Variants in DYNC1I1 observed in about 807,000 individuals in gnomAD.
The protein encoded by DYNC1I1 is cytoplasmic dynein 1 intermediate chain 1.
DYNC1I1 carries 43 observed loss-of-function variants against 86.6 expected under a neutral mutation model. The ratio of observed to expected loss-of-function variants is 0.50; its 90% confidence interval spans 0.39 to 0.64. The LOEUF (loss-of-function observed/expected upper bound fraction) is 0.64, where lower values mean the gene tolerates loss of function less well. DYNC1I1 is among the 30% of genes least tolerant of loss of function. DYNC1I1 has a pLI of 0.00. For missense variants in DYNC1I1, 604 were observed against 788.8 expected (o/e 0.77, Z 2.81); for synonymous variants, 262 against 283.7 (o/e 0.92, Z 0.77).
intron 5 of DYNC1I1, among the ~76,000 whole-genome samples, chr7:95,851,053 C>T (rs1789564406): frequency 6.6e-6 from 1 of 152,066 alleles, no homozygotes; most frequent in Admixed American, 6.5e-5. Context: ...CCTCCTGCCT[C>T]AGCCTGCCGT....
At chr7:96,049,341 A>C (rs940698340) in intron 14 of DYNC1I1, among the ~76,000 whole-genome samples, 3 of 152,104 alleles carry the variant, frequency 2.0e-5, no homozygotes, top group Admixed American at 6.5e-5. Flanking sequence ...TAAAAGAGGC[A>C]AAGTAAAAAA....
intron 1 of DYNC1I1, among the ~76,000 whole-genome samples, chr7:95,796,285 C>T (rs1288866840): frequency 1.3e-5 from 2 of 151,924 alleles, no homozygotes; most frequent in African/African-American, 4.8e-5. Flanking sequence ...ACACATTGTT[C>T]TATGGGGTCT....
intron 6 of DYNC1I1, among the ~76,000 whole-genome samples, chr7:95,972,062 A>T (rs1308413644): frequency 6.6e-6 from 1 of 152,172 alleles, no homozygotes; most frequent in Non-Finnish European, 1.5e-5. Flanking sequence ...GCAAGAACCC[A>T]GTGGACTCGT....
chr7:95,951,368 AT>A (rs1792547902), intron 6 of DYNC1I1, among the ~76,000 whole-genome samples: 1 of 152,154 alleles, frequency 6.6e-6, no homozygotes, highest in African/African-American at 2.4e-5. Flanking sequence ...AGAGGCAGTC[AT>A]GCTTATGTTC....
At chr7:96,045,174 C>A (rs1355415081) in intron 14 of DYNC1I1, among the ~76,000 whole-genome samples, 1 of 152,026 alleles carries the variant, frequency 6.6e-6, no homozygotes. Context: ...GATCAAAGAA[C>A]AAGGATGAAG....
intron 16 of DYNC1I1, among the ~76,000 whole-genome samples, chr7:96,104,724 A>G (rs138598882): frequency 1.8e-3 from 274 of 152,258 alleles, no homozygotes; most frequent in African/African-American, 6.2e-3. Context: ...CTGTTTCACT[A>G]TTTAATTTAT....
intron 16 of DYNC1I1, among the ~76,000 whole-genome samples, chr7:96,096,873 A>T (rs1461571783): frequency 1.3e-5 from 2 of 152,174 alleles, no homozygotes; most frequent in Non-Finnish European, 2.9e-5. Context: ...GATTATTATG[A>T]CGAATGAGTT....
chr7:95,937,105 T>C (rs1422374531), intron 6 of DYNC1I1, among the ~76,000 whole-genome samples: 1 of 151,976 alleles, frequency 6.6e-6, no homozygotes, highest in Non-Finnish European at 1.5e-5. Context: ...ATCTCACTTA[T>C]ATGTGGAATA....
intron 1 of DYNC1I1, among the ~76,000 whole-genome samples, chr7:95,775,883 A>G (rs1584208450): frequency 6.6e-6 from 1 of 152,152 alleles, no homozygotes; most frequent in East Asian, 1.9e-4. Flanking sequence ...TTGAGAGTTA[A>G]CTCAAATTAA....
Position 95,861,870 on chromosome 7 carries a change from G to A in DYNC1I1, c.375-8013G>A, listed in dbSNP as rs532115230. 1.2e-4 allele frequency among the ~76,000 whole-genome samples: 18 copies of A among 152,274 alleles called. No homozygotes were observed. In the South Asian group the frequency reaches 2.7e-3, roughly 23 times the overall value. On this transcript the variant is annotated intron_variant, in intron 5 of 16. Coordinates refer to ENST00000447467, the MANE Select transcript of DYNC1I1 (RefSeq NM_001135556.2). ...ATCCATCCTTCATCTGTGAGATTTA[G>A]CACCTGCTTGGAGCAAGTGGCATCA...
chr7:96,064,236 CT>C (rs1397593987), intron 14 of DYNC1I1, among the ~76,000 whole-genome samples: 9 of 151,722 alleles, frequency 5.9e-5, no homozygotes, highest in Non-Finnish European at 1.0e-4. Context: ...CTCTCTCTCT[CT>C]CTCTCTCTCT....
chr7:95,781,553 C>T (rs1361433915), intron 1 of DYNC1I1, among the ~76,000 whole-genome samples: 1 of 152,120 alleles, frequency 6.6e-6, no homozygotes, highest in African/African-American at 2.4e-5. Context: ...CCTGACTGAG[C>T]CATTTTTCTC....
chr7:96,093,552 G>T (rs953438821), intron 16 of DYNC1I1, among the ~76,000 whole-genome samples: 1 of 152,064 alleles, frequency 6.6e-6, no homozygotes, highest in African/African-American at 2.4e-5. Flanking sequence ...AAGTACTTTT[G>T]GCATGAAAAT....
At chr7:96,101,072 C>A (rs1427002507), downstream of DYNC1I1, among the ~76,000 whole-genome samples, 2 of 151,994 alleles carry the variant, frequency 1.3e-5, no homozygotes, top group East Asian at 3.9e-4. Flanking sequence ...GATGATGAGA[C>A]CCCAGAGTAA....
At chr7:95,792,831 G>T in intron 1 of DYNC1I1, among the ~76,000 whole-genome samples, 1 of 152,194 alleles carries the variant, frequency 6.6e-6, no homozygotes, top group South Asian at 2.1e-4. Context: ...GATGAATAGG[G>T]GGCATCAGGT....
intron 4 of DYNC1I1, 65 bp downstream of exon 4, chr7:95,813,402 A>T: frequency 1.3e-6 from 2 of 1,500,424 alleles, no homozygotes; most frequent in East Asian, 4.6e-5. Flanking sequence ...AACAGCAACA[A>T]CACCACTGTT....
At chr7:95,977,240 C>G (rs1051563088) in intron 6 of DYNC1I1, among the ~76,000 whole-genome samples, 32 of 152,160 alleles carry the variant, frequency 2.1e-4, no homozygotes, top group Admixed American at 6.5e-5. Flanking sequence ...TCCAAGACAT[C>G]CCACGTGGTG....
intron 13 of DYNC1I1, 81 bp from the exon 14 acceptor site, chr7:96,039,196 T>C (rs1453172077): frequency 1.0e-5 from 15 of 1,484,460 alleles, no homozygotes; most frequent in East Asian, 7.1e-5. Context: ...GAGTTGAGGG[T>C]TTTTTGTTTT....
chr7:96,061,821 TA>T (rs1335959530), intron 14 of DYNC1I1, among the ~76,000 whole-genome samples: 1 of 151,850 alleles, frequency 6.6e-6, no homozygotes. Context: ...TTTCTCAGAA[TA>T]AAAAAGTCAC....
Sources: allele counts gnomAD v4.1 joint callset (sites outside exome capture counted in the v4.1 genomes callset), GRCh38; gene constraint gnomAD v4.1.1; transcripts MANE v1.5; gene names NCBI Gene and HGNC (gene_info 2026-07-23, HGNC 2026-07-21).